The following PLEKHM3 variants were observed in gnomAD, a reference collection of about 807,000 sequenced individuals.
PLEKHM3 encodes pleckstrin homology domain-containing family M member 3.
In PLEKHM3, 45 loss-of-function variants were observed where a neutral mutation model predicts 81.8. That is an observed-to-expected ratio of 0.55 (90% CI 0.43 to 0.71). The LOEUF is 0.71. Among genes scored for constraint, PLEKHM3 ranks in the 30% least tolerant of loss-of-function variants. The pLI is 0.00. For synonymous variants in PLEKHM3, 352 were observed against 356.4 expected, an observed-to-expected ratio of 0.99 and a Z score of 0.14; for missense variants, 788 against 924.3, an observed-to-expected ratio of 0.85 and a Z score of 1.91.
intron 5 of PLEKHM3, among the ~76,000 whole-genome samples, chr2:207,928,950 T>C (rs1689495899): frequency 6.6e-6 from 1 of 152,118 alleles, no homozygotes; most frequent in Non-Finnish European, 1.5e-5. Flanking sequence ...AAGTGAAAAA[T>C]AGGAAGGTAA....
At chr2:207,929,477 G>A (rs1301822600) in intron 5 of PLEKHM3, among the ~76,000 whole-genome samples, 2 of 152,188 alleles carry the variant, frequency 1.3e-5, no homozygotes, top group African/African-American at 2.4e-5. Flanking sequence ...AATAAGCTCT[G>A]AGCAAAGCCA....
In PLEKHM3 at chr2:207,865,798, A is replaced by AT. The variant is rs1559212753; in HGVS notation, c.1951-4537_1951-4536insA. 7.9e-4 allele frequency among the ~76,000 whole-genome samples: 35 copies of AT among 44,382 alleles called. 1 individual carries two copies. Among genetic ancestry groups the AT allele is most frequent in the African/African-American group, 4.3e-3 (32 of 7,466 alleles). The allele number at this position is 44,382 out of a possible 152,430, so 29.1% of individuals were successfully genotyped here. On this transcript the variant is annotated intron_variant, in intron 6 of 7. Transcript: ENST00000427836. Reference sequence around the variant, plus strand: ...CTCCGACTCAAAAAAAAAAAAAAAAAAAAAGATATATATATATATATATAT... The same window carrying AT: ...CTCCGACTCAAAAAAAAAAAAAAAAATAAAAGATATATATATATATATATAT...
intron 6 of PLEKHM3, among the ~76,000 whole-genome samples, chr2:207,903,141 G>A (rs192456111): frequency 2.2e-4 from 34 of 151,816 alleles, no homozygotes; most frequent in Non-Finnish European, 2.6e-4. Context: ...ATGTCTCCCC[G>A]CCCCCAATAC....
intron 1 of PLEKHM3, among the ~76,000 whole-genome samples, chr2:208,006,632 A>G (rs569613337): frequency 6.6e-6 from 1 of 152,298 alleles, no homozygotes; most frequent in Admixed American, 6.5e-5. Flanking sequence ...GGAGCACTCC[A>G]TTGGACCTCA....
intron 7 of PLEKHM3, among the ~76,000 whole-genome samples, chr2:207,839,875 C>T (rs1020986071): frequency 3.3e-5 from 5 of 152,070 alleles, no homozygotes; most frequent in African/African-American, 4.8e-5. Flanking sequence ...TGCCGTGAGC[C>T]GTGATGGTGC....
At chr2:207,970,573 A>T (rs930671171) in intron 3 of PLEKHM3, among the ~76,000 whole-genome samples, 1 of 152,200 alleles carries the variant, frequency 6.6e-6, no homozygotes, top group African/African-American at 2.4e-5. Context: ...TCCCTCCAGG[A>T]CAAGAGAGGG....
chr2:207,994,083 C>A (rs1470077980), intron 2 of PLEKHM3, among the ~76,000 whole-genome samples: 1 of 152,138 alleles, frequency 6.6e-6, no homozygotes, highest in Non-Finnish European at 1.5e-5. Context: ...TCAGTAGGTT[C>A]GTAAACCAAA....
chr2:207,943,596 CG>C (rs1178847834), intron 4 of PLEKHM3, among the ~76,000 whole-genome samples: 2 of 152,088 alleles, frequency 1.3e-5, no homozygotes, highest in East Asian at 3.9e-4. Flanking sequence ...AGGCCGGGCG[CG>C]GTGGCTCACG....
At chr2:207,979,007 G>A (rs2106037455) in intron 2 of PLEKHM3, among the ~76,000 whole-genome samples, 1 of 152,170 alleles carries the variant, frequency 6.6e-6, no homozygotes, top group East Asian at 1.9e-4. Context: ...ATTGAACATT[G>A]CCTTGTACAT....
Position 207,858,986 on chromosome 2 carries a change from G to A in PLEKHM3, c.2108+2119C>T, listed in dbSNP as rs142949023. 1.5e-4 allele frequency among the ~76,000 whole-genome samples: 23 copies of A among 151,904 alleles called. No individual in the cohort carries two copies. The East Asian group carries it at 2.9e-3, about 19-fold the overall frequency. On this transcript the variant is annotated intron_variant, in intron 7 of 7. Coordinates refer to ENST00000427836, the MANE Select transcript of PLEKHM3 (RefSeq NM_001080475.3). ...TCCTTCCCCCAAGCCCTAGACAACC[G>A]CTAATCTATTCTCTTTATGGATTTG...
intron 2 of PLEKHM3, among the ~76,000 whole-genome samples, chr2:207,998,634 T>G (rs2106085045): frequency 6.6e-6 from 1 of 152,328 alleles, no homozygotes; most frequent in African/African-American, 2.4e-5. Context: ...TCAACATAAT[T>G]TAATATCAAA....
intron 5 of PLEKHM3, among the ~76,000 whole-genome samples, chr2:207,924,457 G>A (rs1346014370): frequency 6.6e-6 from 1 of 151,958 alleles, no homozygotes; most frequent in African/African-American, 2.4e-5. Context: ...CGCCGAGGCA[G>A]GTGGATCACT....
At chr2:207,945,832 T>C (rs1222897023) in intron 4 of PLEKHM3, among the ~76,000 whole-genome samples, 1 of 150,688 alleles carries the variant, frequency 6.6e-6, no homozygotes, top group Non-Finnish European at 1.5e-5. Flanking sequence ...ACCCAGGAAG[T>C]GGAGGTTGCA....
intron 7 of PLEKHM3, among the ~76,000 whole-genome samples, chr2:207,855,020 C>CACA (rs1490717400): frequency 6.6e-6 from 1 of 152,160 alleles, no homozygotes; most frequent in African/African-American, 2.4e-5. Flanking sequence ...CCAGTCAAGG[C>CACA]ACAAGTCCAG....
chr2:207,852,258 T>A (rs892067093), intron 7 of PLEKHM3, among the ~76,000 whole-genome samples: 1 of 152,196 alleles, frequency 6.6e-6, no homozygotes, highest in African/African-American at 2.4e-5. Context: ...TTTGGCCTTA[T>A]CTCTAGGGCC....
At chr2:207,895,280 A>C (rs1394671145) in intron 6 of PLEKHM3, among the ~76,000 whole-genome samples, 3 of 152,208 alleles carry the variant, frequency 2.0e-5, no homozygotes, top group Non-Finnish European at 4.4e-5. Flanking sequence ...ATACCAAGTC[A>C]GGGATGGAGC....
intron 7 of PLEKHM3, among the ~76,000 whole-genome samples, chr2:207,850,283 C>T (rs2092405669): frequency 6.6e-6 from 1 of 152,216 alleles, no homozygotes; most frequent in Non-Finnish European, 1.5e-5. Flanking sequence ...ATAGCAAATG[C>T]CTACCAGATG....
chr2:207,946,989 TTCACCCAGTCAAAA>T (rs879346337), intron 3 of PLEKHM3, among the ~76,000 whole-genome samples: 4 of 152,210 alleles, frequency 2.6e-5, no homozygotes, highest in Non-Finnish European at 5.9e-5. Flanking sequence ...CTTGTCTGAG[TTCACCCAGTCAAAA>T]AAAGCCAGAG....
At chr2:207,961,017 A>T (rs1690711657) in intron 3 of PLEKHM3, among the ~76,000 whole-genome samples, 1 of 152,220 alleles carries the variant, frequency 6.6e-6, no homozygotes, top group Admixed American at 6.5e-5. Context: ...AGACAGTTTA[A>T]TCTTCCCTCA....
Sources: gnomAD v4.1 joint callset for allele counts (sites outside exome capture counted in the v4.1 genomes callset) on GRCh38, gnomAD v4.1.1 for gene constraint, MANE v1.5 for transcripts, NCBI Gene and HGNC (gene_info 2026-07-23, HGNC 2026-07-21) for gene names.